Variants in USP53 observed in about 807,000 individuals in gnomAD.
USP53 encodes the protein ubiquitin carboxyl-terminal hydrolase 53.
A neutral mutation model predicts 94.9 loss-of-function variants in USP53; 71 were observed. The ratio of observed to expected loss-of-function variants is 0.75; its 90% CI spans 0.62 to 0.91. The LOEUF is 0.91. Ranked by LOEUF, USP53 falls within the 40% of genes least tolerant of loss-of-function variation. The pLI, the probability that USP53 is intolerant of heterozygous loss-of-function variation, is 0.00. For synonymous variants in USP53, 375 were observed against 422.7 expected, an observed-to-expected ratio of 0.89 and a Z score of 1.39; for missense variants, 1,173 against 1,281.0, an observed-to-expected ratio of 0.92 and a Z score of 1.29.
At chr4:119,280,026 G>A (rs1339564501) in intron 17 of USP53, among the ~76,000 whole-genome samples, 4 of 152,168 alleles carry the variant, frequency 2.6e-5, no homozygotes, top group Non-Finnish European at 5.9e-5. Flanking sequence ...GATGAACCCG[G>A]TACCTCAGAT....
chr4:119,249,749 C>G (rs79982537), intron 7 of USP53, among the ~76,000 whole-genome samples: 22,878 of 149,914 alleles, frequency 0.15, 2,201 homozygotes, highest in Middle Eastern at 0.21. Context: ...ACTGCAAGCT[C>G]CACCTCCTGG....
At chr4:119,257,950 C>T (rs1277220571) in intron 9 of USP53, among the ~76,000 whole-genome samples, 3 of 152,198 alleles carry the variant, frequency 2.0e-5, no homozygotes, top group Non-Finnish European at 4.4e-5. Flanking sequence ...ATAAGAATTA[C>T]AGCCCCATCA....
chr4:119,255,476 A>G (rs887752987), intron 7 of USP53, among the ~76,000 whole-genome samples: 1 of 152,124 alleles, frequency 6.6e-6, no homozygotes, highest in Non-Finnish European at 1.5e-5. Flanking sequence ...CCCCTCAACC[A>G]ACCTCCCGCA....
At chr4:119,256,685 G>GGATGTTT (rs1484409609) in intron 9 of USP53, among the ~76,000 whole-genome samples, 162 bp downstream of exon 9, 3 of 152,108 alleles carry the variant, frequency 2.0e-5, no homozygotes, top group Non-Finnish European at 4.4e-5. Context: ...TATCAAAGTT[G>GGATGTTT]GATGTTTGTA....
At chr4:119,258,752 A>G (rs1325548049) in intron 9 of USP53, among the ~76,000 whole-genome samples, 7 of 152,144 alleles carry the variant, frequency 4.6e-5, no homozygotes, top group African/African-American at 1.7e-4. Flanking sequence ...TACCACCAGA[A>G]CAGTATCGGG....
chr4:119,291,225 A>G lies in USP53; in HGVS notation c.2312A>G (p.Glu771Gly). ...TATAAATCTCATGAATTCCACCCAGAATCACATTTACAAATAAAAAATCAT... is the reference window on the plus strand; with the variant it reads ...TATAAATCTCATGAATTCCACCCAGGATCACATTTACAAATAAAAAATCAT... ...AGYKSHEFHP[E>G]SHLQIKNHLI... is the part of the protein sequence containing the mutation. The change falls in exon 18 of 19, where the codon GAA becomes GGA. Residue 771 changes from glutamate (E) to glycine (G), a missense_variant. Glu to Gly is a moderately conservative substitution (Grantham distance 98). Coordinates refer to ENST00000692078, the MANE Select transcript of USP53 (RefSeq NM_001371395.1). The G allele has an allele frequency of 1.3e-6, 2 of 1,596,070 alleles. No homozygotes were observed. Among genetic ancestry groups the G allele is most frequent in the East Asian group, 2.3e-5 (1 of 43,884 alleles).
chr4:119,284,227 T>C (rs943547531), intron 17 of USP53, among the ~76,000 whole-genome samples: 1 of 151,552 alleles, frequency 6.6e-6, no homozygotes, highest in Non-Finnish European at 1.5e-5. Flanking sequence ...AGACGCAAGA[T>C]TGAAGTAGAA....
At chr4:119,249,924 A>G (rs1451757315) in intron 7 of USP53, among the ~76,000 whole-genome samples, 1 of 152,140 alleles carries the variant, frequency 6.6e-6, no homozygotes, top group Non-Finnish European at 1.5e-5. Context: ...TCAGCCTCCC[A>G]AAGTGCTGGG....
intron 12 of USP53, among the ~76,000 whole-genome samples, chr4:119,264,783 A>G (rs1320961701): frequency 1.3e-5 from 2 of 152,344 alleles, no homozygotes; most frequent in African/African-American, 2.4e-5. Context: ...ATTTAAACAT[A>G]TATTTTCCAT....
In USP53 at chr4:119,271,340, C is replaced by T; in HGVS notation, c.1480C>T (p.Pro494Ser). The change falls in exon 16 of 19, where the codon CCT becomes TCT. Residue 494 changes from proline (P) to serine (S), a missense_variant. Physicochemically the swap from Pro to Ser is moderately conservative, Grantham distance 74 (BLOSUM62 -1). Coordinates refer to ENST00000692078, the MANE Select transcript of USP53 (RefSeq NM_001371395.1). ...DLSHFQSGSP[P>S]APNGFKQHGN... ...TTCACATTTCCAATCTGGATCACCTCCTGCCCCAAATGGTTTTAAACAACA... is the reference window on the plus strand; with the variant it reads ...TTCACATTTCCAATCTGGATCACCTTCTGCCCCAAATGGTTTTAAACAACA... 2 of 1,594,298 alleles carry T rather than the reference C, an allele frequency of 1.3e-6. No individual in the cohort carries two copies. The highest frequency in any genetic ancestry group is 1.7e-6 in the Non-Finnish European group (2 of 1,173,910).
At chr4:119,225,485 G>A (rs12643221) in intron 3 of USP53, among the ~76,000 whole-genome samples, 52,446 of 151,790 alleles carry the variant, frequency 0.35, 9,165 homozygotes, top group African/African-American at 0.38. Context: ...GGTGGCTCAC[G>A]CCTGTAATCC....
At position 119,271,328 on chromosome 4, in the gene USP53, T is replaced by G; in HGVS notation, c.1468T>G (p.Ser490Ala). 6.4e-7 allele frequency: 1 copy of G among 1,573,006 alleles called. No homozygotes were observed. Among genetic ancestry groups the G allele is most frequent in the Non-Finnish European group, 8.6e-7 (1 of 1,165,542 alleles). ...LVDEDLSHFQ[S>A]GSPPAPNGFK... is the part of the protein sequence containing the mutation. ...TGATGAAGACCTTTCACATTTCCAA[T>G]CTGGATCACCTCCTGCCCCAAATGG... The change falls in exon 16 of 19, where the codon TCT becomes GCT. Residue 490 changes from serine (S) to alanine (A), a missense_variant. Ser to Ala is a moderately conservative substitution (Grantham distance 99, BLOSUM62 1). Transcript: ENST00000692078.
At chr4:119,248,951 G>C (rs1292951481) in intron 7 of USP53, 69 bp downstream of exon 7, 7 of 1,556,584 alleles carry the variant, frequency 4.5e-6, no homozygotes, top group African/African-American at 1.4e-5. Context: ...TACAAGTGTT[G>C]AGACAAATGA....
At chr4:119,266,452 A>C in intron 12 of USP53, 1 of 419,948 alleles carries the variant, frequency 2.4e-6, no homozygotes, top group Non-Finnish European at 4.7e-6. Flanking sequence ...TCTCAGCAGC[A>C]CTTCGTGTTG....
chr4:119,244,628 G>T (rs748816076), intron 5 of USP53, among the ~76,000 whole-genome samples: 7 of 152,140 alleles, frequency 4.6e-5, no homozygotes, highest in Non-Finnish European at 1.0e-4. Context: ...TATCCTCATT[G>T]TCTAGAATTC....
chr4:119,269,773 C>A lies in USP53; in HGVS notation c.1371C>A (p.Asn457Lys). The change falls in exon 15 of 19, where the codon AAC becomes AAA. Residue 457 changes from asparagine (N) to lysine (K), a missense_variant. By Grantham distance (94) the Asn-to-Lys change is moderately conservative (BLOSUM62 0). Transcript: ENST00000692078. ...ECALKAIEQK[N>K]LLSSQRKDLE... ...CTCTGAAAGCTATTGAACAGAAAAA[C>A]TTACTTTCTTCACAAAGGAAAGATT... The A allele has an allele frequency of 6.6e-7, 1 of 1,515,790 alleles. No individual in the cohort carries two copies. The highest frequency in any genetic ancestry group is 1.4e-5 in the South Asian group (1 of 73,532). 93.9% of individuals were successfully genotyped at this position (1,515,790 alleles called of 1,614,324 possible). A position where few individuals can be genotyped will look rare whatever the true frequency, so the allele number is the denominator to read the frequency against.
chr4:119,228,033 T>A (rs1289475215), intron 3 of USP53, among the ~76,000 whole-genome samples: 1 of 152,228 alleles, frequency 6.6e-6, no homozygotes, highest in Non-Finnish European at 1.5e-5. Context: ...GTATTAATTT[T>A]CTATTACTAT....
chr4:119,267,535 A>G, intron 13 of USP53, 53 bp downstream of exon 13: 1 of 1,533,404 alleles, frequency 6.5e-7, no homozygotes, highest in East Asian at 2.3e-5. Context: ...ACAGTCAACT[A>G]GGAATACTAG....
At chr4:119,216,809 A>G (rs6846936) in intron 2 of USP53, among the ~76,000 whole-genome samples, 13,628 of 152,278 alleles carry the variant, frequency 0.089, 820 homozygotes, top group Non-Finnish European at 0.13. Flanking sequence ...TAAGTTTAAT[A>G]TATCAGTTTA....
Sources: allele counts gnomAD v4.1 joint callset (sites outside exome capture counted in the v4.1 genomes callset), GRCh38; gene constraint gnomAD v4.1.1; transcripts MANE v1.5; gene names NCBI Gene and HGNC (gene_info 2026-07-23, HGNC 2026-07-21).